Variants in CRY1 observed in about 807,000 individuals in gnomAD.
The protein encoded by CRY1 is cryptochrome-1.
CRY1 carries 45 observed loss-of-function variants against 76.0 expected under a neutral mutation model. That is an observed-to-expected ratio of 0.59 (90% confidence interval 0.47 to 0.76). The LOEUF (loss-of-function observed/expected upper bound fraction) is 0.76. CRY1 is among the 30% of genes least tolerant of loss of function. The pLI, the probability that CRY1 is intolerant of heterozygous loss-of-function variation, is 0.00. For synonymous variants in CRY1, 248 were observed against 244.0 expected (o/e 1.02, Z -0.15); for missense variants, 587 against 716.4 (o/e 0.82, Z 2.06).
intron 1 of CRY1, among the ~76,000 whole-genome samples, chr12:107,057,914 A>G (rs1052525169): frequency 2.0e-5 from 3 of 148,448 alleles, no homozygotes; most frequent in Non-Finnish European, 4.5e-5. Flanking sequence ...AACAAAAAAA[A>G]TTAGCTGGGC....
At chr12:107,014,841 A>G (rs1242424138) in intron 2 of CRY1, among the ~76,000 whole-genome samples, 2 of 152,110 alleles carry the variant, frequency 1.3e-5, no homozygotes, top group Admixed American at 1.3e-4. Flanking sequence ...GCATTAGGAT[A>G]TAACCTGGGT....
At chr12:107,079,659 A>G (rs1174212075) in intron 1 of CRY1, among the ~76,000 whole-genome samples, 1 of 152,098 alleles carries the variant, frequency 6.6e-6, no homozygotes, top group Non-Finnish European at 1.5e-5. Flanking sequence ...CTATTCTTTC[A>G]GTCTGGAATT....
intron 1 of CRY1, among the ~76,000 whole-genome samples, chr12:107,034,089 T>C (rs539017150): frequency 2.6e-5 from 4 of 151,710 alleles, no homozygotes; most frequent in African/African-American, 9.7e-5. Context: ...TATCACAAGA[T>C]ACAGGTCATA....
At chr12:107,032,490 C>T (rs2136857958) in intron 1 of CRY1, among the ~76,000 whole-genome samples, 1 of 148,206 alleles carries the variant, frequency 6.7e-6, no homozygotes, top group East Asian at 2.0e-4. Flanking sequence ...GCTTGGTGTG[C>T]TCTGAGATAA....
In CRY1 at chr12:106,997,649, A is replaced by G; in HGVS notation, c.1331T>C (p.Ile444Thr). ...PVLRGFPAKY[I>T]YDPWNAPEGI... is the part of the protein sequence containing the mutation. ...TTCTGGTGCATTCCAGGGATCATAG[A>G]TATATTTTGCAGGGAAGCCTCTTAG... Residue 444 changes from isoleucine to threonine, a missense_variant, in exon 9 of 13, where the codon ATC becomes ACC. By Grantham distance (89) the Ile-to-Thr change is moderately conservative. Transcript: ENST00000008527. The G allele has an allele frequency of 6.2e-7, 1 of 1,614,112 alleles. No homozygotes were observed. Among genetic ancestry groups the G allele is most frequent in the South Asian group, 1.1e-5 (1 of 91,080 alleles).
At chr12:107,037,252 G>A (rs1952744527) in intron 1 of CRY1, among the ~76,000 whole-genome samples, 1 of 152,268 alleles carries the variant, frequency 6.6e-6, no homozygotes, top group Admixed American at 6.5e-5. Context: ...CAAATAGTAA[G>A]GGGAAAGAAT....
At chr12:107,013,500 C>T (rs1488869357) in intron 2 of CRY1, among the ~76,000 whole-genome samples, 18 of 152,116 alleles carry the variant, frequency 1.2e-4, no homozygotes, top group Non-Finnish European at 1.5e-5. Flanking sequence ...TTGTGACTTG[C>T]TTTATTGTGA....
intron 1 of CRY1, among the ~76,000 whole-genome samples, chr12:107,044,043 T>C (rs2136868712): frequency 6.6e-6 from 1 of 152,246 alleles, no homozygotes; most frequent in East Asian, 1.9e-4. Context: ...AGATGGTACC[T>C]GAGTCACAGA....
At chr12:107,078,748 G>C (rs953103961) in intron 1 of CRY1, among the ~76,000 whole-genome samples, 1 of 152,020 alleles carries the variant, frequency 6.6e-6, no homozygotes, top group Non-Finnish European at 1.5e-5. Flanking sequence ...ACCTACCTAT[G>C]GTCTATTTCT....
chr12:107,011,734 C>T (rs887907445), intron 2 of CRY1, among the ~76,000 whole-genome samples: 1 of 152,180 alleles, frequency 6.6e-6, no homozygotes, highest in African/African-American at 2.4e-5. Context: ...CCTAAAAGTA[C>T]AAAGTGAAGC....
chr12:107,048,645 A>G (rs769606704), intron 1 of CRY1, among the ~76,000 whole-genome samples: 1 of 151,994 alleles, frequency 6.6e-6, no homozygotes, highest in Non-Finnish European at 1.5e-5. Context: ...GAATCTGGCT[A>G]TTTCTTCTGA....
intron 1 of CRY1, among the ~76,000 whole-genome samples, chr12:107,084,372 A>T (rs955971228): frequency 6.6e-6 from 1 of 152,212 alleles, no homozygotes; most frequent in Non-Finnish European, 1.5e-5. Flanking sequence ...CTGTATAGCC[A>T]AGACAATCCT....
At chr12:107,030,731 T>C (rs1952665327) in intron 1 of CRY1, among the ~76,000 whole-genome samples, 1 of 147,400 alleles carries the variant, frequency 6.8e-6, no homozygotes, top group East Asian at 2.0e-4. Context: ...AATTTTATTA[T>C]GAAAAGTGTA....
chr12:107,037,766 T>A (rs1952752970), intron 1 of CRY1, among the ~76,000 whole-genome samples: 1 of 152,282 alleles, frequency 6.6e-6, no homozygotes, highest in African/African-American at 2.4e-5. Flanking sequence ...TGAAGTGCAG[T>A]GGCATGATCA....
At chr12:107,008,389 C>T (rs1952398759) in intron 2 of CRY1, among the ~76,000 whole-genome samples, 1 of 152,124 alleles carries the variant, frequency 6.6e-6, no homozygotes. Context: ...TGCCCCTCTC[C>T]TGGAGCTTAT....
chr12:107,042,776 A>T (rs1952812823), intron 1 of CRY1, among the ~76,000 whole-genome samples: 1 of 152,182 alleles, frequency 6.6e-6, no homozygotes, highest in Non-Finnish European at 1.5e-5. Context: ...CACACGGAGA[A>T]TGGAAGGAAA....
intron 1 of CRY1, among the ~76,000 whole-genome samples, chr12:107,047,353 C>T (rs1452060848): frequency 1.3e-5 from 2 of 152,114 alleles, no homozygotes; most frequent in Admixed American, 1.3e-4. Context: ...TAAAAACCAA[C>T]ATACCAAAAC....
At chr12:107,088,795 C>A (rs1953434702) in intron 1 of CRY1, among the ~76,000 whole-genome samples, 1 of 152,226 alleles carries the variant, frequency 6.6e-6, no homozygotes, top group South Asian at 2.1e-4. Context: ...CAGAATACTG[C>A]TAATCATCCC....
intron 3 of CRY1, 100 bp from the exon 4 acceptor site, chr12:107,002,048 T>G: frequency 1.0e-6 from 1 of 977,120 alleles, no homozygotes; most frequent in Non-Finnish European, 1.5e-6. Flanking sequence ...ATAAAATTAA[T>G]CACTGAAGTC....
Sources: allele counts gnomAD v4.1 joint callset (sites outside exome capture counted in the v4.1 genomes callset), GRCh38; gene constraint gnomAD v4.1.1; transcripts MANE v1.5; gene names NCBI Gene and HGNC (gene_info 2026-07-23, HGNC 2026-07-21).